MAGI3: variants seen among roughly 807,000 people sequenced by gnomAD.
MAGI3 encodes the protein membrane-associated guanylate kinase, WW and PDZ domain-containing protein 3.
Under a neutral mutation model 121.8 loss-of-function variants are expected in MAGI3, and 43 were observed. The observed-to-expected ratio is 0.35, with a 90% CI of 0.28 to 0.46. The LOEUF (loss-of-function observed/expected upper bound fraction) is 0.46. Ranked by LOEUF, MAGI3 falls within the 20% of genes least tolerant of loss-of-function variation. The pLI is 1.00. For synonymous variants in MAGI3, 553 were observed against 639.3 expected (o/e 0.86, Z 2.04); for missense variants, 1,547 against 1,797.3 (o/e 0.86, Z 2.52).
At chr1:113,533,611 A>C (rs538898501) in intron 1 of MAGI3, among the ~76,000 whole-genome samples, 60 of 152,226 alleles carry the variant, frequency 3.9e-4, no homozygotes, top group Admixed American at 1.5e-3. Context: ...TAAAGATAAA[A>C]AGATAGATGA....
intron 1 of MAGI3, among the ~76,000 whole-genome samples, chr1:113,511,421 A>G (rs1657609722): frequency 6.6e-6 from 1 of 152,244 alleles, no homozygotes; most frequent in Admixed American, 6.5e-5. Context: ...TCGTGCTGCA[A>G]AGAAGAATCA....
chr1:113,415,169 G>A (rs576228547), intron 1 of MAGI3, among the ~76,000 whole-genome samples: 1 of 152,112 alleles, frequency 6.6e-6, no homozygotes, highest in South Asian at 2.1e-4. Context: ...TTTGCCAGTA[G>A]GACCTTTAGT....
At chr1:113,450,064 A>G in intron 1 of MAGI3, 1 of 1,537,056 alleles carries the variant, frequency 6.5e-7, no homozygotes. Flanking sequence ...AATTTGAGAG[A>G]CTTCTTTGAA....
At chr1:113,562,169 G>T (rs1374398555) in intron 2 of MAGI3, among the ~76,000 whole-genome samples, 1 of 152,202 alleles carries the variant, frequency 6.6e-6, no homozygotes, top group Non-Finnish European at 1.5e-5. Context: ...ACTTTGGGAG[G>T]CCAAGGCGGG....
intron 4 of MAGI3, among the ~76,000 whole-genome samples, chr1:113,586,578 A>G (rs1648380326): frequency 2.6e-5 from 4 of 152,202 alleles, no homozygotes; most frequent in African/African-American, 9.7e-5. Flanking sequence ...TGTAAATACT[A>G]AAAACAGGTT....
At chr1:113,413,197 GTAT>G (rs1652097447) in intron 1 of MAGI3, among the ~76,000 whole-genome samples, 1 of 152,200 alleles carries the variant, frequency 6.6e-6, no homozygotes, top group Admixed American at 6.6e-5. Flanking sequence ...TGGATGTGTG[GTAT>G]TATTTCTGAG....
At chr1:113,567,284 C>T (rs373855080) in intron 2 of MAGI3, among the ~76,000 whole-genome samples, 157 of 151,972 alleles carry the variant, frequency 1.0e-3, no homozygotes, top group African/African-American at 3.7e-3. Flanking sequence ...GAGATTAAAG[C>T]AGTAATCAAA....
chr1:113,657,419 G>A (rs1328319429), intron 15 of MAGI3, among the ~76,000 whole-genome samples: 1 of 152,066 alleles, frequency 6.6e-6, no homozygotes, highest in Non-Finnish European at 1.5e-5. Flanking sequence ...AGCCCTTTAG[G>A]AAGTTGTATA....
chr1:113,620,981 T>C (rs1391722964), intron 8 of MAGI3, among the ~76,000 whole-genome samples: 2 of 152,188 alleles, frequency 1.3e-5, no homozygotes, highest in Non-Finnish European at 2.9e-5. Context: ...TCATTGTTAT[T>C]AATAGACATG....
At chr1:113,623,330 A>G (rs1356663481) in intron 9 of MAGI3, among the ~76,000 whole-genome samples, 1 of 151,790 alleles carries the variant, frequency 6.6e-6, no homozygotes, top group Non-Finnish European at 1.5e-5. Flanking sequence ...AAAATATACA[A>G]TTAAATTATT....
intron 1 of MAGI3, among the ~76,000 whole-genome samples, chr1:113,404,843 T>C (rs1170763159): frequency 1.3e-5 from 2 of 152,150 alleles, no homozygotes; most frequent in Non-Finnish European, 2.9e-5. Flanking sequence ...TCTAGAATCA[T>C]TCTAGAATCA....
chr1:113,622,255 G>C (rs1650873314), intron 8 of MAGI3, among the ~76,000 whole-genome samples: 1 of 152,158 alleles, frequency 6.6e-6, no homozygotes, highest in Non-Finnish European at 1.5e-5. Context: ...GAGGAGAAGA[G>C]AGAAGAGGTT....
chr1:113,668,569 C>CTTTTTTTT (rs370302032), intron 16 of MAGI3, among the ~76,000 whole-genome samples: 10 of 94,848 alleles, frequency 1.1e-4, no homozygotes, highest in Non-Finnish European at 1.4e-4. Flanking sequence ...AAACATGTAA[C>CTTTTTTTT]TTTTTTTTTT....
At chr1:113,646,262 G>C (rs1174291236) in intron 11 of MAGI3, among the ~76,000 whole-genome samples, 4 of 151,996 alleles carry the variant, frequency 2.6e-5, no homozygotes, top group Non-Finnish European at 4.4e-5. Context: ...AGGCTCTTCA[G>C]TTGATATTAC....
At chr1:113,600,758 T>C (rs529835307) in intron 6 of MAGI3, among the ~76,000 whole-genome samples, 4 of 152,212 alleles carry the variant, frequency 2.6e-5, no homozygotes, top group Non-Finnish European at 4.4e-5. Flanking sequence ...GAGTCCGCAT[T>C]GCCAAGTCAA....
intron 1 of MAGI3, among the ~76,000 whole-genome samples, chr1:113,488,111 TA>T (rs1248851885): frequency 2.0e-5 from 3 of 152,242 alleles, no homozygotes; most frequent in African/African-American, 7.2e-5. Flanking sequence ...ACTACTATTT[TA>T]ACTTACCGTT....
Position 113,622,048 on chromosome 1 carries a change from C to T in MAGI3, c.1172-758C>T, listed in dbSNP as rs564286404. On this transcript the variant is annotated intron_variant, in intron 8 of 20. Coordinates refer to ENST00000307546, the MANE Select transcript of MAGI3 (RefSeq NM_001142782.2). ...TCTAAAATTAGATTATGCTGATAGT[C>T]GCATGACATTGAATTGTACACTTGA... Among the ~76,000 whole-genome samples, 50 of 152,100 alleles carry T rather than the reference C, an allele frequency of 3.3e-4. No homozygotes were observed. The South Asian group carries it at 0.01, about 32-fold the overall frequency.
At chr1:113,607,524 A>AG (rs1443205925) in intron 6 of MAGI3, among the ~76,000 whole-genome samples, 1 of 152,246 alleles carries the variant, frequency 6.6e-6, no homozygotes, top group Non-Finnish European at 1.5e-5. Context: ...ACTAATAGCA[A>AG]GAAAATGGAA....
chr1:113,579,467 A>G (rs1647870385), intron 2 of MAGI3, among the ~76,000 whole-genome samples: 1 of 152,222 alleles, frequency 6.6e-6, no homozygotes, highest in Admixed American at 6.5e-5. Flanking sequence ...GCCAGGGGCC[A>G]GATCACAAAG....
Sources: allele counts gnomAD v4.1 joint callset (sites outside exome capture counted in the v4.1 genomes callset), GRCh38; gene constraint gnomAD v4.1.1; transcripts MANE v1.5; gene names NCBI Gene and HGNC (gene_info 2026-07-23, HGNC 2026-07-21).